TTLL5: variants seen among roughly 807,000 people sequenced by gnomAD.
TTLL5 encodes the protein tubulin polyglutamylase TTLL5.
Under a neutral mutation model 168.4 loss-of-function variants are expected in TTLL5, and 132 were observed. The ratio of observed to expected loss-of-function variants is 0.78; its 90% CI spans 0.68 to 0.91. The LOEUF is 0.91. Among genes scored for constraint, TTLL5 ranks in the 40% least tolerant of loss-of-function variants. TTLL5 has a pLI of 0.00. For missense variants in TTLL5, 1,545 were observed against 1,581.5 expected (o/e 0.98, Z 0.39); for synonymous variants, 546 against 558.6 (o/e 0.98, Z 0.32).
At chr14:75,798,685 G>T (rs941265304) in intron 27 of TTLL5, among the ~76,000 whole-genome samples, 16 of 151,956 alleles carry the variant, frequency 1.1e-4, no homozygotes, top group Admixed American at 6.6e-4. Flanking sequence ...TCAGCTCAAG[G>T]AATTTTTACA....
chr14:75,781,625 T>C (rs1476748154), intron 24 of TTLL5, among the ~76,000 whole-genome samples: 1 of 152,150 alleles, frequency 6.6e-6, no homozygotes, highest in African/African-American at 2.4e-5. Flanking sequence ...AGTGATACTA[T>C]TATTGAATAT....
At chr14:75,837,263 T>A (rs1895918335) in intron 28 of TTLL5, 1 of 152,252 alleles carries the variant, frequency 6.6e-6, no homozygotes, top group Non-Finnish European at 1.5e-5. Flanking sequence ...CTTTTCCACA[T>A]GGACTTCTCC....
intron 30 of TTLL5, among the ~76,000 whole-genome samples, chr14:75,894,665 A>T (rs1381081715): frequency 1.3e-5 from 2 of 152,250 alleles, no homozygotes; most frequent in African/African-American, 2.4e-5. Flanking sequence ...AAACTCTTCC[A>T]TTAAAAAAGA....
At chr14:75,666,112 T>G (rs117815654) in intron 2 of TTLL5, among the ~76,000 whole-genome samples, 1,989 of 152,352 alleles carry the variant, frequency 0.013, 18 homozygotes, top group South Asian at 0.035. Flanking sequence ...CAGACACTTA[T>G]TTTTTACATT....
intron 28 of TTLL5, 38 bp from the exon 29 acceptor site, chr14:75,863,629 C>G (rs1566635613): frequency 6.5e-7 from 1 of 1,547,430 alleles, no homozygotes; most frequent in Admixed American, 2.0e-5. Flanking sequence ...GTTCATACAG[C>G]CACTCACTCT....
chr14:75,830,466 A>T (rs929300483), intron 28 of TTLL5, among the ~76,000 whole-genome samples: 1 of 152,214 alleles, frequency 6.6e-6, no homozygotes, highest in African/African-American at 2.4e-5. Context: ...AAAAATATGT[A>T]AGGTAAAGCA....
chr14:75,748,861 A>G (rs1889777155), intron 17 of TTLL5, among the ~76,000 whole-genome samples: 1 of 152,130 alleles, frequency 6.6e-6, no homozygotes. Flanking sequence ...AGTAAGGTTG[A>G]CACTCTTTGT....
In TTLL5 at chr14:75,818,436, AT is replaced by A; in HGVS notation, c.3172-1563del. 2.7e-5 allele frequency: 10 copies of A among 375,098 alleles called. No individual in the cohort carries two copies. The East Asian group carries it at 3.0e-4, about 11-fold the overall frequency. 23.2% of individuals were successfully genotyped at this position (375,098 alleles called of 1,614,324 possible). A position where few individuals can be genotyped will look rare whatever the true frequency, so the allele number is the denominator to read the frequency against. ...TCATATTGTGATTTTTGCTACCACG[AT>A]TTTTTTTACTTGAGATATTAGCGTG... On this transcript the variant is annotated intron_variant, in intron 27 of 31. Transcript: ENST00000298832.
chr14:75,753,668 G>A (rs2140275908), intron 18 of TTLL5, among the ~76,000 whole-genome samples: 1 of 152,160 alleles, frequency 6.6e-6, no homozygotes, highest in Admixed American at 6.5e-5. Flanking sequence ...GAAATACATG[G>A]GATTTGCAAT....
intron 31 of TTLL5, among the ~76,000 whole-genome samples, chr14:75,939,415 T>G (rs1337383494): frequency 6.6e-6 from 1 of 152,172 alleles, no homozygotes. Flanking sequence ...TTAGACAGCT[T>G]TACTCTGTCA....
At chr14:75,681,737 ATG>A in intron 4 of TTLL5, 110 bp downstream of exon 4, 4 of 866,250 alleles carry the variant, frequency 4.6e-6, no homozygotes, top group Non-Finnish European at 7.6e-6. Flanking sequence ...CATGGGACCA[ATG>A]CTTAGTGGTG....
rs553570801 is a variant in TTLL5 at position 75,783,452 on chromosome 14, A to G, written c.2908A>G (p.Ile970Val). 4 of 1,614,022 alleles carry G rather than the reference A, an allele frequency of 2.5e-6. No individual in the cohort carries two copies. The highest frequency in any genetic ancestry group is 3.3e-5 in the Admixed American group (2 of 59,998). The change falls in exon 26 of 32, where the codon ATT becomes GTT. Residue 970 changes from isoleucine to valine, a missense_variant. Ile to Val is a conservative substitution (Grantham distance 29, BLOSUM62 3). Transcript: ENST00000298832. ...LPRCRSGSHT[I>V]GPFSSFQSAA... ...ACGCTGTCGATCAGGAAGTCACACC[A>G]TTGGTCCCTTTTCTTCCTTCCAAAG...
At chr14:75,703,734 C>T (rs1009265193) in intron 7 of TTLL5, among the ~76,000 whole-genome samples, 5 of 152,174 alleles carry the variant, frequency 3.3e-5, no homozygotes, top group Non-Finnish European at 5.9e-5. Context: ...CTCCTATATT[C>T]GTGAATATAA....
chr14:75,752,140 A>C (rs936075140), intron 17 of TTLL5, among the ~76,000 whole-genome samples: 5 of 152,136 alleles, frequency 3.3e-5, no homozygotes, highest in African/African-American at 1.2e-4. Flanking sequence ...GACCTGTTTT[A>C]TCAGCAAGGT....
chr14:75,680,265 G>T (rs747328400), intron 3 of TTLL5, among the ~76,000 whole-genome samples: 2 of 152,184 alleles, frequency 1.3e-5, no homozygotes, highest in Non-Finnish European at 2.9e-5. Flanking sequence ...CTTGGCCCTG[G>T]CAGGAAATGT....
At chr14:75,890,232 C>T (rs2032334042) in intron 30 of TTLL5, among the ~76,000 whole-genome samples, 1 of 152,044 alleles carries the variant, frequency 6.6e-6, no homozygotes, top group Non-Finnish European at 1.5e-5. Context: ...CTGAAGTAAG[C>T]TTTTATCACA....
chr14:75,758,855 G>A (rs1890449076), intron 18 of TTLL5, among the ~76,000 whole-genome samples: 1 of 152,144 alleles, frequency 6.6e-6, no homozygotes, highest in African/African-American at 2.4e-5. Flanking sequence ...CTAAAAATAT[G>A]TCAAGATATG....
intron 10 of TTLL5, among the ~76,000 whole-genome samples, chr14:75,718,278 G>A (rs1887601370): frequency 6.6e-6 from 1 of 152,148 alleles, no homozygotes; most frequent in Admixed American, 6.6e-5. Context: ...TAAGAAATGA[G>A]GTCATTTCAG....
intron 9 of TTLL5, chr14:75,710,489 G>A (rs910224779): frequency 2.0e-5 from 3 of 151,668 alleles, no homozygotes; most frequent in South Asian, 4.2e-4. Flanking sequence ...AAAAAACTCA[G>A]ACCAAGTAGA....
Sources: allele counts gnomAD v4.1 joint callset (sites outside exome capture counted in the v4.1 genomes callset), GRCh38; gene constraint gnomAD v4.1.1; transcripts MANE v1.5; gene names NCBI Gene and HGNC (gene_info 2026-07-23, HGNC 2026-07-21).